PAXIP1: variants seen among roughly 807,000 people sequenced by gnomAD.
The protein encoded by PAXIP1 is PAX interacting protein 1.
Under a neutral mutation model 140.6 loss-of-function variants are expected in PAXIP1, and 19 were observed. That is an observed-to-expected ratio of 0.14 (90% CI 0.09 to 0.20). PAXIP1 has a LOEUF of 0.20. Among genes scored for constraint, PAXIP1 ranks in the 10% least tolerant of loss-of-function variants. The pLI, the probability that PAXIP1 is intolerant of heterozygous loss-of-function variation, is 1.00. For missense variants in PAXIP1, 920 were observed against 1,208.6 expected (o/e 0.76, Z 3.54); for synonymous variants, 442 against 444.6 (o/e 0.99, Z 0.07).
intron 4 of PAXIP1, 137 bp downstream of exon 4, chr7:154,990,869 C>T (rs1287857881): frequency 7.8e-6 from 4 of 513,258 alleles, no homozygotes; most frequent in Non-Finnish European, 1.4e-5. Context: ...TTTTAAGTGT[C>T]ATGAGTTTAT....
At chr7:154,974,121 A>G (rs1305777910) in intron 6 of PAXIP1, 1 of 152,266 alleles carries the variant, frequency 6.6e-6, no homozygotes, top group East Asian at 1.9e-4. Context: ...CTCCAACCCA[A>G]CACATCTGAA....
chr7:154,983,222 C>T lies in PAXIP1; in HGVS notation c.435G>A (p.Lys145=). 2 of 1,574,292 alleles carry T rather than the reference C, an allele frequency of 1.3e-6. No homozygotes were observed. Among genetic ancestry groups the T allele is most frequent in the Non-Finnish European group, 8.7e-7 (1 of 1,153,946 alleles). The stretch of plus-strand genomic sequence containing the variant: ...AGGTGGCACAAGAAACGCTTACCCC[C>T]TTTGGCTCTGGAACAATCAAATGCG... The part of the protein sequence containing the change: ...KCTHLIVPEP[K]GEKYECALKR... The change falls in exon 5 of 21, where the codon AAG becomes AAA. Residue 145 remains lysine, a synonymous_variant. Transcript: ENST00000404141.
intron 6 of PAXIP1, chr7:154,974,743 ATTAGTTTTCTTAGT>A: frequency 2.6e-5 from 4 of 152,162 alleles, no homozygotes; most frequent in Non-Finnish European, 5.9e-5. Context: ...CTCTACCTAA[ATTAGTTTTCTTAGT>A]CACAATTTTA....
intron 6 of PAXIP1, among the ~76,000 whole-genome samples, chr7:154,972,951 A>G (rs747333118): frequency 6.6e-6 from 1 of 152,162 alleles, no homozygotes. Context: ...CGACTGTGTG[A>G]TCGTCACTTT....
Position 154,979,069 on chromosome 7 carries a change from T to C in PAXIP1, c.439-2738A>G, listed in dbSNP as rs556702921. On this transcript the variant is annotated intron_variant, in intron 5 of 20. Coordinates refer to ENST00000404141, the MANE Select transcript of PAXIP1 (RefSeq NM_007349.4). ...GTAGTTTTTAATCACTGAAAGACAG[T>C]AACTGTTTAAACAAAGATGATTTAA... Among the ~76,000 whole-genome samples the C allele has an allele frequency of 2.6e-5, 4 of 152,310 alleles. No homozygotes were observed. The South Asian group carries it at 8.3e-4, about 32-fold the overall frequency.
chr7:154,967,952 T>A, intron 7 of PAXIP1, 42 bp from the exon 8 acceptor site: 1 of 1,357,174 alleles, frequency 7.4e-7, no homozygotes, highest in Non-Finnish European at 1.0e-6. Flanking sequence ...TAAAACCCTA[T>A]GAATATGCTT....
chr7:154,965,599 C>A (rs1181494046), intron 8 of PAXIP1: 1 of 152,172 alleles, frequency 6.6e-6, no homozygotes, highest in South Asian at 2.1e-4. Flanking sequence ...GTGAAAACGA[C>A]GAGGATGAAG....
At chr7:154,958,286 A>G (rs954672372) in intron 13 of PAXIP1, among the ~76,000 whole-genome samples, 1 of 152,170 alleles carries the variant, frequency 6.6e-6, no homozygotes, top group Non-Finnish European at 1.5e-5. Context: ...TCTCCATTCT[A>G]CCCTATTCCT....
At chr7:154,981,594 G>A (rs1280936409) in intron 5 of PAXIP1, among the ~76,000 whole-genome samples, 1 of 151,978 alleles carries the variant, frequency 6.6e-6, no homozygotes, top group Non-Finnish European at 1.5e-5. Context: ...ATCACGTTTA[G>A]TATCAACTTT....
In PAXIP1 at chr7:154,986,309, A is replaced by T. The variant is rs906396731; in HGVS notation, c.325-2977T>A. On this transcript the variant is annotated intron_variant, in intron 4 of 20. Coordinates refer to ENST00000404141, the MANE Select transcript of PAXIP1 (RefSeq NM_007349.4). The surrounding 1 kb of genome is among the most constrained non-coding windows in gnomAD (Gnocchi z 4.8). Reference sequence around the variant, plus strand: ...GTGCTCCAGTGTGCAGAAAAGGTGCAGATCCCTCTGACAGTCTCCAATCAG... The same window carrying T: ...GTGCTCCAGTGTGCAGAAAAGGTGCTGATCCCTCTGACAGTCTCCAATCAG... 1.1e-5 allele frequency: 5 copies of T among 473,914 alleles called. No individual in the cohort carries two copies. Among genetic ancestry groups the T allele is most frequent in the Non-Finnish European group, 1.8e-5 (5 of 284,916 alleles). The allele number at this position is 473,914 out of a possible 1,614,324, so 29.4% of individuals were successfully genotyped here. A position where few individuals can be genotyped will look rare whatever the true frequency, so the allele number is the denominator to read the frequency against.
At chr7:154,955,222 G>A (rs188463733) in intron 15 of PAXIP1, among the ~76,000 whole-genome samples, 20 of 152,272 alleles carry the variant, frequency 1.3e-4, no homozygotes, top group Middle Eastern at 3.4e-3. Flanking sequence ...CTTCATGCTG[G>A]ATGTCTTTAT....
At chr7:154,989,002 A>G (rs1025719061) in intron 4 of PAXIP1, among the ~76,000 whole-genome samples, 2 of 152,244 alleles carry the variant, frequency 1.3e-5, no homozygotes, top group African/African-American at 2.4e-5. Context: ...AGCCAACTTT[A>G]AAGATCATTC....
chr7:154,992,130 AGT>A (rs753748138), intron 3 of PAXIP1, among the ~76,000 whole-genome samples: 3 of 152,200 alleles, frequency 2.0e-5, no homozygotes, highest in African/African-American at 7.2e-5. Flanking sequence ...ACTGTCTACC[AGT>A]GAGTCTCCCA....
intron 2 of PAXIP1, among the ~76,000 whole-genome samples, chr7:154,997,037 A>G (rs1810662401): frequency 6.6e-6 from 1 of 152,152 alleles, no homozygotes; most frequent in Non-Finnish European, 1.5e-5. Flanking sequence ...AAGGAGAAGG[A>G]AGAGACAGAG....
rs1051086774 is a variant in PAXIP1, at chr7:154,998,440, G to A, written c.216+210C>T. ...TGAGAATCACTTGAACCCGGGAGGCGGAGGTTGCAGTGAGCTGAGATCGTG... is the reference window on the plus strand; with the variant it reads ...TGAGAATCACTTGAACCCGGGAGGCAGAGGTTGCAGTGAGCTGAGATCGTG... On this transcript the variant is annotated intron_variant, in intron 2 of 20. Coordinates refer to ENST00000404141, the MANE Select transcript of PAXIP1 (RefSeq NM_007349.4). 5.3e-5 allele frequency among the ~76,000 whole-genome samples: 8 copies of A among 152,232 alleles called. No homozygotes were observed. In the East Asian group the frequency reaches 1.4e-3, roughly 26 times the overall value.
intron 4 of PAXIP1, among the ~76,000 whole-genome samples, chr7:154,985,806 C>T (rs1242612387): frequency 6.6e-6 from 1 of 152,200 alleles, no homozygotes; most frequent in Non-Finnish European, 1.5e-5. Flanking sequence ...ACTATGAACT[C>T]TAACACTCCT....
intron 16 of PAXIP1, among the ~76,000 whole-genome samples, chr7:154,953,317 G>C (rs949981852): frequency 6.6e-6 from 1 of 152,232 alleles, no homozygotes; most frequent in Non-Finnish European, 1.5e-5. Context: ...CAAACAACTG[G>C]CACAGAAAAA....
At position 154,967,898 on chromosome 7, in the gene PAXIP1, C is replaced by A. The variant is rs777555994; in HGVS notation, c.1811G>T (p.Gly604Val). 4.3e-6 allele frequency: 7 copies of A among 1,611,092 alleles called. No individual in the cohort carries two copies. In the South Asian group the frequency reaches 4.4e-5, roughly 10 times the overall value. ...HDPAVEIPEEGFLLGCVFAIA... is the reference protein window; with the variant it reads ...HDPAVEIPEEVFLLGCVFAIA... ...TGCAAACACACATCCCAATAAGAAG[C>A]CTTCTTCTGGAACTAGAGTAAAATT... The change falls in exon 8 of 21, where the codon GGC (glycine) becomes GTC (valine). Residue 604 changes from glycine (G) to valine (V), a missense_variant. Around this residue, in one of 5 missense-constraint regions of PAXIP1, gnomAD observed 62 missense variants for 69.0 expected, o/e 0.90. Coordinates refer to ENST00000404141, the MANE Select transcript of PAXIP1 (RefSeq NM_007349.4).
At chr7:154,945,919 A>G in intron 20 of PAXIP1, 1 of 985,428 alleles carries the variant, frequency 1.0e-6, no homozygotes, top group Non-Finnish European at 1.2e-6. Context: ...ATGTTGATGA[A>G]GTATTCATTC....
Sources: allele counts gnomAD v4.1 joint callset (sites outside exome capture counted in the v4.1 genomes callset), GRCh38; gene constraint gnomAD v4.1.1; regional missense constraint gnomAD v4.1.1; non-coding constraint Gnocchi (gnomAD v3.1); transcripts MANE v1.5; gene names NCBI Gene and HGNC (gene_info 2026-07-23, HGNC 2026-07-21).